Variants in RP1L1 observed in about 807,000 individuals in gnomAD.
RP1L1 encodes retinitis pigmentosa 1-like 1 protein.
RP1L1 carries 27 observed loss-of-function variants against 15.7 expected under a neutral mutation model. The ratio of observed to expected loss-of-function variants is 1.72; its 90% CI spans 1.27 to 2.38. RP1L1 has a LOEUF of 2.38. Among genes scored for constraint, RP1L1 ranks in the 30% most tolerant of loss-of-function variants. RP1L1 has a pLI of 0.00. For synonymous variants in RP1L1, 1,813 were observed against 1,276.7 expected (o/e 1.42, Z -8.96); for missense variants, 4,798 against 3,075.9 (o/e 1.56, Z -13.24).
At chr8:10,637,544 A>C (rs1405659420) in intron 1 of RP1L1, among the ~76,000 whole-genome samples, 1 of 152,168 alleles carries the variant, frequency 6.6e-6, no homozygotes, top group Non-Finnish European at 1.5e-5. Flanking sequence ...CCAGCAGTTC[A>C]AATGTAGCCT....
Position 10,607,049 on chromosome 8 carries a change from G to A in RP1L1, c.7049C>T (p.Ser2350Phe). 6.2e-7 allele frequency: 1 copy of A among 1,614,204 alleles called. No individual in the cohort carries two copies. The change falls in exon 4 of 4, where the codon TCT (serine) becomes TTT (phenylalanine). Residue 2350 changes from serine (S) to phenylalanine (F), a missense_variant. By Grantham distance (155) the Ser-to-Phe change is radical. Coordinates refer to ENST00000382483, the MANE Select transcript of RP1L1 (RefSeq NM_178857.6). ...GCCCAAAGGGGCCTCTTCTTGCTCAGAAGTAGAACTTTCTGGGTACATCCT... is the reference window on the plus strand; with the variant it reads ...GCCCAAAGGGGCCTCTTCTTGCTCAAAAGTAGAACTTTCTGGGTACATCCT... ...ATRMYPESST[S>F]EQEEAPLGSR...
Position 10,608,370 on chromosome 8 carries a change from C to T in RP1L1, c.5728G>A (p.Glu1910Lys). The T allele has an allele frequency of 6.2e-7, 1 of 1,613,572 alleles. No homozygotes were observed. Among genetic ancestry groups the T allele is most frequent in the Non-Finnish European group, 8.5e-7 (1 of 1,179,948 alleles). ...QPESEGAEAPEAEKEAQPETE... is the reference protein window; with the variant it reads ...QPESEGAEAPKAEKEAQPETE... ...TCTGGCTGGGCCTCCTTTTCTGCCT[C>T]CGGGGCTTCTGCACCTTCTGACTCT... The change falls in exon 4 of 4, where the codon GAG becomes AAG. Residue 1910 changes from glutamate (E) to lysine (K), a missense_variant. Coordinates refer to ENST00000382483, the MANE Select transcript of RP1L1 (RefSeq NM_178857.6).
In RP1L1 at chr8:10,655,066, C is replaced by T. The variant is rs897260689; in HGVS notation, c.-188G>A. 1.3e-5 allele frequency: 2 copies of T among 152,786 alleles called. No homozygotes were observed. The highest frequency in any genetic ancestry group is 4.8e-5 in the African/African-American group (2 of 41,472). 9.5% of individuals were successfully genotyped at this position (152,786 alleles called of 1,614,324 possible). ...TCCGGACAGTCCTCGGGGCCACTCTCCTTGGCCTGAGAGCCTGAGGCCCCA... is the reference window on the plus strand; with the variant it reads ...TCCGGACAGTCCTCGGGGCCACTCTTCTTGGCCTGAGAGCCTGAGGCCCCA... On this transcript the variant is annotated 5_prime_UTR_variant, in exon 1 of 4. Transcript: ENST00000382483.
intron 1 of RP1L1, among the ~76,000 whole-genome samples, chr8:10,652,510 G>A (rs183070519): frequency 1.5e-3 from 223 of 152,140 alleles, no homozygotes; most frequent in African/African-American, 5.2e-3. Flanking sequence ...AACCAGCCCC[G>A]CAGTATCTTA....
At chr8:10,625,952 G>A (rs1585984182) in intron 1 of RP1L1, among the ~76,000 whole-genome samples, 1 of 152,058 alleles carries the variant, frequency 6.6e-6, no homozygotes, top group Non-Finnish European at 1.5e-5. Context: ...CGGTGCCGGG[G>A]ATTTTGGGAG....
chr8:10,654,846 G>T (rs1178641836), intron 1 of RP1L1, 52 bp downstream of exon 1: 2 of 152,756 alleles, frequency 1.3e-5, no homozygotes, highest in Admixed American at 6.6e-5. Context: ...AAGACTCTCT[G>T]CCCCTCAGGT....
At chr8:10,642,706 C>T (rs552953738) in intron 1 of RP1L1, among the ~76,000 whole-genome samples, 6 of 152,184 alleles carry the variant, frequency 3.9e-5, no homozygotes, top group Non-Finnish European at 7.3e-5. Flanking sequence ...CATGCCCAGT[C>T]CCACTCCTTA....
At chr8:10,647,661 G>A (rs1308236946) in intron 1 of RP1L1, among the ~76,000 whole-genome samples, 1 of 152,188 alleles carries the variant, frequency 6.6e-6, no homozygotes, top group African/African-American at 2.4e-5. Flanking sequence ...TGCAGCATGA[G>A]TCAGCATTTC....
intron 2 of RP1L1, 75 bp downstream of exon 2, chr8:10,622,518 C>A: frequency 6.3e-7 from 1 of 1,595,878 alleles, no homozygotes; most frequent in Non-Finnish European, 8.6e-7. Context: ...GGAATAATCT[C>A]TCTCTTCCAT....
In RP1L1 at chr8:10,623,129, G is replaced by T. The variant is rs370826846; in HGVS notation, c.73C>A (p.Pro25Thr). 3.1e-6 allele frequency: 5 copies of T among 1,610,382 alleles called. No individual in the cohort carries two copies. In the African/African-American group the frequency reaches 4.0e-5, roughly 13 times the overall value. The change falls in exon 2 of 4, where the codon CCC (proline) becomes ACC (threonine). Residue 25 changes from proline to threonine, a missense_variant. Pro to Thr is a conservative substitution (Grantham distance 38, BLOSUM62 -1). Coordinates refer to ENST00000382483, the MANE Select transcript of RP1L1 (RefSeq NM_178857.6). ...GCTGGCGTGACCTTGGTGACCGAGG[G>T]GGTGCGAGCCACAGAGGGCAGGAAG... is the stretch of plus-strand genomic sequence containing the variant. ...ECFLPSVART[P>T]SVTKVTPAKK...
Position 10,649,317 on chromosome 8 carries a change from C to T in RP1L1, c.-20+5581G>A, listed in dbSNP as rs77674484. On this transcript the variant is annotated intron_variant, in intron 1 of 3. Transcript: ENST00000382483. ...AGGCACTCAGGCATGTGTCGGGAGC[C>T]TACTCTAGGGACTAGGACTATGTTC... Among the ~76,000 whole-genome samples, 1,469 of 152,352 alleles carry T rather than the reference C, an allele frequency of 9.6e-3. 61 individuals carry two copies. The highest frequency in any genetic ancestry group is 0.065 in the Admixed American group (993 of 15,300).
intron 1 of RP1L1, among the ~76,000 whole-genome samples, chr8:10,628,302 A>C (rs36114822): frequency 0.29 from 43,638 of 152,128 alleles, 7,037 homozygotes; most frequent in Non-Finnish European, 0.36. Flanking sequence ...GAAATTACCA[A>C]AGGCGTTCAT....
chr8:10,641,485 C>G (rs933309964), intron 1 of RP1L1, among the ~76,000 whole-genome samples: 2 of 152,158 alleles, frequency 1.3e-5, no homozygotes, highest in Non-Finnish European at 2.9e-5. Flanking sequence ...AACATGAGAA[C>G]AAAAACGAAA....
chr8:10,646,985 G>T (rs953159659), intron 1 of RP1L1, among the ~76,000 whole-genome samples: 3 of 152,172 alleles, frequency 2.0e-5, no homozygotes, highest in Admixed American at 6.5e-5. Context: ...AGCCTCGCCC[G>T]AGGCGGAACC....
intron 3 of RP1L1, among the ~76,000 whole-genome samples, chr8:10,615,398 G>A (rs939463377): frequency 1.3e-5 from 2 of 152,276 alleles, no homozygotes; most frequent in African/African-American, 4.8e-5. Flanking sequence ...TGGATGGATG[G>A]ATAATCTGTG....
chr8:10,613,600 C>CAAAAAAAAAAAA (rs71203341), intron 3 of RP1L1, among the ~76,000 whole-genome samples: 1 of 62,376 alleles, frequency 1.6e-5, no homozygotes, highest in Non-Finnish European at 2.8e-5. Context: ...ACCATCTCTC[C>CAAAAAAAAAAAA]AAAAAAAAAA....
chr8:10,617,531 T>C (rs1181417491), intron 2 of RP1L1, among the ~76,000 whole-genome samples: 7 of 148,398 alleles, frequency 4.7e-5, no homozygotes, highest in Admixed American at 4.7e-4. Flanking sequence ...TTTTTGTTTT[T>C]TTCTGTTTCT....
In RP1L1 at chr8:10,607,675, G is replaced by T; in HGVS notation, c.6423C>A (p.Ala2141=). The T allele has an allele frequency of 3.2e-6, 5 of 1,584,322 alleles. No homozygotes were observed. Among genetic ancestry groups the T allele is most frequent in the Non-Finnish European group, 4.3e-6 (5 of 1,164,424 alleles). Residue 2141 remains alanine (A), a synonymous_variant, in exon 4 of 4, where the codon GCC becomes GCA. Transcript: ENST00000382483. ...CCTCTACACCTTCTGACTCAGGCTGGGCCTCCCCTTCAGCCTCTGGGGCCT... is the reference window on the plus strand; with the variant it reads ...CCTCTACACCTTCTGACTCAGGCTGTGCCTCCCCTTCAGCCTCTGGGGCCT... ...GIEAPEAEGE[A]QPESEGVEAQ...
rs556831077 is a variant in RP1L1, at chr8:10,609,138, C to T, written c.4960G>A (p.Glu1654Lys). 3.1e-6 allele frequency: 5 copies of T among 1,613,660 alleles called. No homozygotes were observed. The highest frequency in any genetic ancestry group is 1.3e-5 in the African/African-American group (1 of 75,050). Residue 1654 changes from glutamate to lysine, a missense_variant, in exon 4 of 4, where the codon GAG (glutamate) becomes AAG (lysine). Coordinates refer to ENST00000382483, the MANE Select transcript of RP1L1 (RefSeq NM_178857.6). ...GSQLGEEAEG[E>K]EFCPCEACVR... ...CAGGCCTCGCAGGGACAGAACTCCT[C>T]CCCCTCCGCCTCCTCGCCCAGCTGG...
Sources: allele counts gnomAD v4.1 joint callset (sites outside exome capture counted in the v4.1 genomes callset), GRCh38; gene constraint gnomAD v4.1.1; transcripts MANE v1.5; gene names NCBI Gene and HGNC (gene_info 2026-07-23, HGNC 2026-07-21).